Variants in RFC3 observed in about 807,000 individuals in gnomAD.
RFC3 encodes replication factor C subunit 3.
In RFC3, 41 loss-of-function variants were observed where a neutral mutation model predicts 45.1. The observed-to-expected ratio is 0.91, with a 90% CI of 0.71 to 1.18. The LOEUF (loss-of-function observed/expected upper bound fraction) is 1.18. Ranked by LOEUF, RFC3 falls within the 50% of genes most tolerant of loss-of-function variation. RFC3 has a pLI of 0.00. For synonymous variants in RFC3, 149 were observed against 144.0 expected (o/e 1.03, Z -0.25); for missense variants, 423 against 428.1 (o/e 0.99, Z 0.10).
At chr13:33,866,576 G>GAGCCACATCAAAA (rs1332198044) in intron 8 of RFC3, among the ~76,000 whole-genome samples, 1 of 152,154 alleles carries the variant, frequency 6.6e-6, no homozygotes, top group Non-Finnish European at 1.5e-5. Flanking sequence ...TCTCAGCCCT[G>GAGCCACATCAAAA]AGCCACATCA....
chr13:33,820,623 A>C (rs2081993170), intron 1 of RFC3, among the ~76,000 whole-genome samples: 1 of 152,070 alleles, frequency 6.6e-6, no homozygotes, highest in Non-Finnish European at 1.5e-5. Flanking sequence ...CTCACAAGTA[A>C]CCTCCCAAAG....
chr13:33,901,358 A>G (rs1044024073), intron 8 of RFC3, among the ~76,000 whole-genome samples: 39 of 152,140 alleles, frequency 2.6e-4, no homozygotes, highest in Non-Finnish European at 1.9e-4. Context: ...TTATTCAGCC[A>G]TAAAAAAATA....
chr13:33,928,112 G>A (rs1033346618), intron 8 of RFC3, among the ~76,000 whole-genome samples: 4 of 152,176 alleles, frequency 2.6e-5, no homozygotes, highest in South Asian at 2.1e-4. Flanking sequence ...AATTTCCACC[G>A]CAGTGAAGTG....
intron 8 of RFC3, among the ~76,000 whole-genome samples, chr13:33,843,166 T>C (rs1389073474): frequency 2.0e-5 from 3 of 151,398 alleles, no homozygotes; most frequent in Non-Finnish European, 2.9e-5. Flanking sequence ...TCTCATATTT[T>C]TCAAATTGAT....
rs2139429823 is a variant in RFC3 at position 33,836,696 on chromosome 13, C to T, written c.*401C>T. 1.0e-6 allele frequency: 1 copy of T among 986,252 alleles called. No homozygotes were observed. The highest frequency in any genetic ancestry group is 1.2e-6 in the Non-Finnish European group (1 of 830,432). The allele number at this position is 986,252 out of a possible 1,614,324, so 61.1% of individuals were successfully genotyped here. On this transcript the variant is annotated 3_prime_UTR_variant, in exon 9 of 9. Coordinates refer to ENST00000380071, the MANE Select transcript of RFC3 (RefSeq NM_002915.4). ...ACAGGTAACATGATTGTTTGACACA[C>T]CATTATATTTAATTCTAGTTTCTCT...
intron 8 of RFC3, among the ~76,000 whole-genome samples, chr13:33,928,834 TG>T (rs141443352): frequency 6.0e-5 from 9 of 151,112 alleles, no homozygotes; most frequent in Admixed American, 1.3e-4. Flanking sequence ...AACCAATGTC[TG>T]GGGGGGGAAG....
At chr13:33,932,515 G>A (rs2082859075) in intron 8 of RFC3, among the ~76,000 whole-genome samples, 1 of 151,976 alleles carries the variant, frequency 6.6e-6, no homozygotes, top group African/African-American at 2.4e-5. Flanking sequence ...GTACTAAAAT[G>A]TGTTAGTCTG....
chr13:33,952,998 T>C (rs2082999783), intron 8 of RFC3, among the ~76,000 whole-genome samples: 2 of 152,202 alleles, frequency 1.3e-5, no homozygotes, highest in Admixed American at 6.5e-5. Flanking sequence ...AAAAATTGGC[T>C]AAGTAAATTC....
chr13:33,966,539 T>A (rs2083088878), exon 9 of RFC3: 1 of 178,880 alleles, frequency 5.6e-6, no homozygotes, highest in African/African-American at 2.3e-5. Context: ...TAAAATGATA[T>A]TGTTACTTTC....
downstream of RFC3, among the ~76,000 whole-genome samples, chr13:33,966,878 C>A (rs1218944402): frequency 6.6e-6 from 1 of 152,024 alleles, no homozygotes; most frequent in Non-Finnish European, 1.5e-5. Context: ...GGAAAGTGGC[C>A]AGGCGTGGTG....
rs554884321 is a variant in RFC3 at position 33,819,135 on chromosome 13, G to A, written c.87+870G>A. ...TCGAACTCCTGACCTCAGGTGATCC[G>A]CCTGCCTCGGCCTCCCAAAGTGCTG... On this transcript the variant is annotated intron_variant, in intron 1 of 8. Coordinates refer to ENST00000380071, the MANE Select transcript of RFC3 (RefSeq NM_002915.4). 2.3e-4 allele frequency among the ~76,000 whole-genome samples: 35 copies of A among 152,082 alleles called. 1 individual carries two copies. Among genetic ancestry groups the A allele is most frequent in the Non-Finnish European group, 4.9e-4 (33 of 67,976 alleles).
intron 8 of RFC3, among the ~76,000 whole-genome samples, chr13:33,853,920 A>G (rs1016277586): frequency 3.3e-5 from 5 of 152,170 alleles, no homozygotes; most frequent in African/African-American, 1.2e-4. Context: ...TAGAAAATGC[A>G]TAAGAGATAT....
At chr13:33,818,332 T>C in intron 1 of RFC3, 67 bp downstream of exon 1, 1 of 1,282,238 alleles carries the variant, frequency 7.8e-7, no homozygotes, top group Non-Finnish European at 1.1e-6. Context: ...CGCGCCCCCC[T>C]GAGGAGCAGT....
intron 8 of RFC3, among the ~76,000 whole-genome samples, chr13:33,943,154 G>A (rs961941666): frequency 6.6e-6 from 1 of 152,090 alleles, no homozygotes; most frequent in African/African-American, 2.4e-5. Flanking sequence ...TTTCATTGAT[G>A]GGCAGGGATA....
chr13:33,861,527 T>C (rs1339747446), intron 8 of RFC3, among the ~76,000 whole-genome samples: 2 of 151,832 alleles, frequency 1.3e-5, no homozygotes, highest in East Asian at 3.9e-4. Flanking sequence ...CACCTGTAAT[T>C]CCAGCTATTC....
chr13:33,939,382 T>C (rs1050309569), intron 8 of RFC3, among the ~76,000 whole-genome samples: 1 of 152,052 alleles, frequency 6.6e-6, no homozygotes, highest in Non-Finnish European at 1.5e-5. Flanking sequence ...GTAAAAACTC[T>C]TGACAGTGAG....
At chr13:33,888,746 TC>T (rs936785024) in intron 8 of RFC3, among the ~76,000 whole-genome samples, 1 of 147,224 alleles carries the variant, frequency 6.8e-6, no homozygotes, top group African/African-American at 2.6e-5. Context: ...TTAAAGAAAA[TC>T]TTTTTTTTTT....
intron 8 of RFC3, among the ~76,000 whole-genome samples, chr13:33,963,213 T>C (rs1415973994): frequency 2.0e-5 from 3 of 152,036 alleles, no homozygotes; most frequent in Non-Finnish European, 4.4e-5. Flanking sequence ...TTGCAACAGC[T>C]GAGATATTTA....
chr13:33,869,394 A>AC (rs2082393504), intron 8 of RFC3, among the ~76,000 whole-genome samples: 3 of 148,470 alleles, frequency 2.0e-5, no homozygotes, highest in African/African-American at 7.4e-5. Flanking sequence ...AACTGTGTAG[A>AC]TTTTTTTTTT....
Sources: gnomAD v4.1 joint callset for allele counts (sites outside exome capture counted in the v4.1 genomes callset) on GRCh38, gnomAD v4.1.1 for gene constraint, MANE v1.5 for transcripts, NCBI Gene and HGNC (gene_info 2026-07-23, HGNC 2026-07-21) for gene names.